The following PEDS1 variants were observed in gnomAD, a reference collection of about 807,000 sequenced individuals.
PEDS1 encodes CarF homolog.
A neutral mutation model predicts 35.2 loss-of-function variants in PEDS1; 14 were observed. The ratio of observed to expected loss-of-function variants is 0.40; its 90% CI spans 0.26 to 0.62. PEDS1 has a LOEUF of 0.62. PEDS1 is among the 20% of genes least tolerant of loss of function. The pLI is 0.44. For synonymous variants in PEDS1, 152 were observed against 152.0 expected, an observed-to-expected ratio of 1.00 and a Z score of 0.00; for missense variants, 260 against 367.8, an observed-to-expected ratio of 0.71 and a Z score of 2.40.
Position 50,146,674 on chromosome 20 carries a change from C to T in PEDS1, c.122-3053G>A, listed in dbSNP as rs112789671. Among the ~76,000 whole-genome samples the T allele has an allele frequency of 3.1e-3, 470 of 152,266 alleles. 4 individuals carry two copies. The highest frequency in any genetic ancestry group is 0.011 in the African/African-American group (440 of 41,538). On this transcript the variant is annotated intron_variant, in intron 1 of 5. Coordinates refer to ENST00000371652, the MANE Select transcript of PEDS1 (RefSeq NM_199129.4). ...TGCCCTCCCCTGCCCCTTGAAAAGACCAAGGCTCAGAAGGGGAACGGAACA... is the reference window on the plus strand; with the variant it reads ...TGCCCTCCCCTGCCCCTTGAAAAGATCAAGGCTCAGAAGGGGAACGGAACA...
intron 2 of PEDS1, 49 bp downstream of exon 2, chr20:50,143,453 C>T (rs1432626761): frequency 1.3e-6 from 2 of 1,572,102 alleles, no homozygotes; most frequent in Non-Finnish European, 1.7e-6. Context: ...CCGGTGGGTC[C>T]CTGGCCCCTA....
In PEDS1 at chr20:50,129,438, CTT is replaced by C. The variant is rs764931095; in HGVS notation, c.478+106_478+107del. 3.5e-4 allele frequency: 507 copies of C among 1,452,472 alleles called. No individual in the cohort carries two copies. Among genetic ancestry groups the C allele is most frequent in the Non-Finnish European group, 4.5e-4 (492 of 1,096,406 alleles). The allele number at this position is 1,452,472 out of a possible 1,614,324, so 90.0% of individuals were successfully genotyped here. A position where few individuals can be genotyped will look rare whatever the true frequency, so the allele number is the denominator to read the frequency against. On this transcript the variant is annotated intron_variant, in intron 4 of 5. Coordinates refer to ENST00000371652, the MANE Select transcript of PEDS1 (RefSeq NM_199129.4). The surrounding 1 kb of genome is among the most constrained non-coding windows in gnomAD (Gnocchi z 4.2). ...TACATGAAGACAATGAATGAAAACT[CTT>C]TTAAAATACCATAAGGAGCCAAACA...
chr20:50,144,744 T>G (rs950099284), intron 1 of PEDS1, among the ~76,000 whole-genome samples: 1 of 152,138 alleles, frequency 6.6e-6, no homozygotes, highest in Non-Finnish European at 1.5e-5. Flanking sequence ...TAAGTGGACG[T>G]GGAGAGATGT....
At chr20:50,142,356 G>A (rs1294796617) in intron 2 of PEDS1, among the ~76,000 whole-genome samples, 3 of 152,204 alleles carry the variant, frequency 2.0e-5, no homozygotes, top group Non-Finnish European at 2.9e-5. Context: ...TTTGAGTTGG[G>A]AGAGATGTTG....
Position 50,120,588 on chromosome 20 carries a change from A to G in PEDS1, c.*4470T>C, listed in dbSNP as rs1483905596. 1 of 151,374 alleles carries G rather than the reference A, an allele frequency of 6.6e-6. No individual in the cohort carries two copies. Among genetic ancestry groups the G allele is most frequent in the Non-Finnish European group, 1.5e-5 (1 of 67,880 alleles). The allele number at this position is 151,374 out of a possible 1,614,324, so 9.4% of individuals were successfully genotyped here. A position where few individuals can be genotyped will look rare whatever the true frequency, so the allele number is the denominator to read the frequency against. On this transcript the variant is annotated 3_prime_UTR_variant, in exon 6 of 6. Coordinates refer to ENST00000371652, the MANE Select transcript of PEDS1 (RefSeq NM_199129.4). ...GGTGGTTCATGCCTGTAATCCCAAC[A>G]CTTAGGAAGGCTGAGGTGGGCCGAT...
At chr20:50,147,435 G>A (rs969239031) in intron 1 of PEDS1, among the ~76,000 whole-genome samples, 1 of 152,172 alleles carries the variant, frequency 6.6e-6, no homozygotes. Flanking sequence ...CCCTGGCTGG[G>A]CCCCTGCAGT....
At chr20:50,153,372 T>TG in intron 1 of PEDS1, 145 bp downstream of exon 1, 1 of 1,199,182 alleles carries the variant, frequency 8.3e-7, no homozygotes, top group Non-Finnish European at 1.0e-6. Context: ...GACACTGGGG[T>TG]GGGGTCCCCG....
In PEDS1 at chr20:50,119,468, C is replaced by G. The variant is rs1311032158; in HGVS notation, c.*5590G>C. 1 of 149,242 alleles carries G rather than the reference C, an allele frequency of 6.7e-6. No individual in the cohort carries two copies. The highest frequency in any genetic ancestry group is 2.0e-4 in the East Asian group (1 of 5,108). 9.2% of individuals were successfully genotyped at this position (149,242 alleles called of 1,614,324 possible). Reference sequence around the variant, plus strand: ...AAAAAAAAAAAAAGTCAAGTCCATTCCATCCTGAAGGTGGAACACTATGCA... The same window carrying G: ...AAAAAAAAAAAAAGTCAAGTCCATTGCATCCTGAAGGTGGAACACTATGCA... On this transcript the variant is annotated 3_prime_UTR_variant, in exon 6 of 6. Coordinates refer to ENST00000371652, the MANE Select transcript of PEDS1 (RefSeq NM_199129.4).
intron 5 of PEDS1, 36 bp from the exon 6 acceptor site, chr20:50,125,215 G>A: frequency 6.2e-7 from 1 of 1,610,418 alleles, no homozygotes; most frequent in South Asian, 1.1e-5. Context: ...TTGAATGGGA[G>A]AGAGTAGTCA....
At chr20:50,140,509 A>T (rs1163943442) in intron 2 of PEDS1, among the ~76,000 whole-genome samples, 1 of 152,166 alleles carries the variant, frequency 6.6e-6, no homozygotes, top group African/African-American at 2.4e-5. Context: ...TCTGTTCCCC[A>T]AACACACGAG....
chr20:50,128,306 C>G lies in PEDS1; in HGVS notation c.479-119G>C. 6.3e-6 allele frequency: 8 copies of G among 1,266,072 alleles called. No homozygotes were observed. Among genetic ancestry groups the G allele is most frequent in the Non-Finnish European group, 8.7e-6 (8 of 914,862 alleles). 78.4% of individuals were successfully genotyped at this position (1,266,072 alleles called of 1,614,324 possible). A position where few individuals can be genotyped will look rare whatever the true frequency, so the allele number is the denominator to read the frequency against. On this transcript the variant is annotated intron_variant, in intron 4 of 5. Transcript: ENST00000371652. This position sits in a 1 kb window ranked among gnomAD's most constrained non-coding sequence, Gnocchi z 5.2. ...CTGAGCTGGGCAAGCACCCAGGATT[C>G]TCTTCCACCCCCTGCAGGGCCGCAG...
Position 50,153,657 on chromosome 20 carries a change from C to T in PEDS1, c.-20G>A. The T allele has an allele frequency of 1.6e-6, 2 of 1,224,076 alleles. No homozygotes were observed. Among genetic ancestry groups the T allele is most frequent in the East Asian group, 6.4e-5 (2 of 31,058 alleles). The allele number at this position is 1,224,076 out of a possible 1,614,324, so 75.8% of individuals were successfully genotyped here. On this transcript the variant is annotated 5_prime_UTR_variant, in exon 1 of 6. Coordinates refer to ENST00000371652, the MANE Select transcript of PEDS1 (RefSeq NM_199129.4). ...CGCCATGGCCACTCGCCCGATCGGC[C>T]CGGTGCGCTCTGCTGGCGGCGGCGG...
At chr20:50,136,590 G>A (rs1006058008) in intron 2 of PEDS1, among the ~76,000 whole-genome samples, 5 of 152,188 alleles carry the variant, frequency 3.3e-5, no homozygotes, top group Admixed American at 3.3e-4. Context: ...GACCATGGTG[G>A]TGTAGGCCTG....
At position 50,134,905 on chromosome 20, in the gene PEDS1, G is replaced by A. The variant is rs748110809; in HGVS notation, c.242-3958C>T. On this transcript the variant is annotated intron_variant, in intron 2 of 5. Transcript: ENST00000371652. ...CTTTCTTTAAAGGGTCAGGCAGGCC[G>A]GGCACGGTGGCTCACACCTGTAATC... Among the ~76,000 whole-genome samples the A allele has an allele frequency of 4.5e-4, 68 of 152,074 alleles. 1 individual carries two copies. The highest frequency in any genetic ancestry group is 1.4e-3 in the African/African-American group (56 of 41,410).
intron 1 of PEDS1, among the ~76,000 whole-genome samples, chr20:50,153,013 ATTGT>A (rs760786208): frequency 1.3e-5 from 2 of 152,060 alleles, no homozygotes; most frequent in African/African-American, 2.4e-5. Flanking sequence ...AGGTGAGGTC[ATTGT>A]TTGCAGCCCA....
At chr20:50,142,684 C>CA (rs1241090015) in intron 2 of PEDS1, among the ~76,000 whole-genome samples, 3 of 66,910 alleles carry the variant, frequency 4.5e-5, no homozygotes, top group Non-Finnish European at 1.0e-4. Flanking sequence ...AGTCATCCGC[C>CA]CCCCCCCCCC....
At chr20:50,125,223 TCAAGGGGA>T in intron 5 of PEDS1, 44 bp from the exon 6 acceptor site, 1 of 1,605,580 alleles carries the variant, frequency 6.2e-7, no homozygotes, top group Non-Finnish European at 8.5e-7. Context: ...GAGAGAGTAG[TCAAGGGGA>T]CATTGGAAGA....
chr20:50,123,244 A>G lies in PEDS1; in HGVS notation c.*1814T>C, dbSNP rs1255321104. The G allele has an allele frequency of 3.4e-5, 5 of 148,670 alleles. No individual in the cohort carries two copies. The highest frequency in any genetic ancestry group is 2.1e-4 in the South Asian group (1 of 4,752). The allele number at this position is 148,670 out of a possible 1,614,324, so 9.2% of individuals were successfully genotyped here. A position where few individuals can be genotyped will look rare whatever the true frequency, so the allele number is the denominator to read the frequency against. On this transcript the variant is annotated 3_prime_UTR_variant, in exon 6 of 6. Coordinates refer to ENST00000371652, the MANE Select transcript of PEDS1 (RefSeq NM_199129.4). ...GTCCAGCCACAGTGGCTGCCTCACC[A>G]TCTCTTAAAATCCCAAGCTTGTTCT...
chr20:50,142,524 G>A (rs1397347744), intron 2 of PEDS1, among the ~76,000 whole-genome samples: 2 of 152,088 alleles, frequency 1.3e-5, no homozygotes, highest in Admixed American at 6.5e-5. Context: ...TGCAACCTCC[G>A]CCTCCTGGGT....
Sources: allele counts gnomAD v4.1 joint callset (sites outside exome capture counted in the v4.1 genomes callset), GRCh38; gene constraint gnomAD v4.1.1; non-coding constraint Gnocchi (gnomAD v3.1); transcripts MANE v1.5; gene names NCBI Gene and HGNC (gene_info 2026-07-23, HGNC 2026-07-21).